Variants in ADCY5 observed in about 807,000 individuals in gnomAD.
ADCY5 encodes the protein adenylate cyclase 5.
In ADCY5, 30 loss-of-function variants were observed where a neutral mutation model predicts 119.7. That is an observed-to-expected ratio of 0.25 (90% confidence interval 0.19 to 0.34). The LOEUF (loss-of-function observed/expected upper bound fraction) is 0.34, where lower values mean the gene tolerates loss of function less well. Ranked by LOEUF, ADCY5 falls within the 10% of genes least tolerant of loss-of-function variation. The pLI is 1.00. For synonymous variants in ADCY5, 753 were observed against 762.2 expected, an observed-to-expected ratio of 0.99 and a Z score of 0.20; for missense variants, 1,324 against 1,775.2, an observed-to-expected ratio of 0.75 and a Z score of 4.57.
chr3:123,358,736 G>A (rs1197165200), intron 1 of ADCY5, among the ~76,000 whole-genome samples: 1 of 152,228 alleles, frequency 6.6e-6, no homozygotes, highest in Non-Finnish European at 1.5e-5. Flanking sequence ...TATTCTCAGA[G>A]TCAAAACCGA....
chr3:123,326,814 C>T (rs1941513817), intron 7 of ADCY5, among the ~76,000 whole-genome samples: 1 of 152,082 alleles, frequency 6.6e-6, no homozygotes, highest in South Asian at 2.1e-4. Flanking sequence ...TTGGCACGGG[C>T]ACCTGCCCTC....
intron 19 of ADCY5, among the ~76,000 whole-genome samples, chr3:123,288,814 A>G (rs1576522041): frequency 6.6e-6 from 1 of 152,206 alleles, no homozygotes; most frequent in Non-Finnish European, 1.5e-5. Flanking sequence ...GGTCATGACT[A>G]TTTTGAAACT....
Position 123,448,654 on chromosome 3 carries a change from C to T in ADCY5, c.-109G>A. On this transcript the variant is annotated 5_prime_UTR_variant, in exon 1 of 21. Transcript: ENST00000462833. ...GGGGGACCAGGCTAGGGTCACACGT[C>T]GGGGGCGGCCCGGGGCCCTGCGCTG... The T allele has an allele frequency of 9.3e-7, 1 of 1,070,476 alleles. No homozygotes were observed. The highest frequency in any genetic ancestry group is 1.2e-6 in the Non-Finnish European group (1 of 838,726). The allele number at this position is 1,070,476 out of a possible 1,614,324, so 66.3% of individuals were successfully genotyped here.
chr3:123,428,535 C>T (rs1047178729), intron 1 of ADCY5, among the ~76,000 whole-genome samples: 1 of 152,200 alleles, frequency 6.6e-6, no homozygotes, highest in African/African-American at 2.4e-5. Context: ...ATAGGCTCAG[C>T]AGGAAGTTCC....
At chr3:123,394,710 G>A (rs1314523467) in intron 1 of ADCY5, among the ~76,000 whole-genome samples, 4 of 152,184 alleles carry the variant, frequency 2.6e-5, no homozygotes, top group Non-Finnish European at 1.5e-5. Flanking sequence ...GTAAGCATAA[G>A]TTATCAAAAC....
At chr3:123,425,805 G>C (rs1346999346) in intron 1 of ADCY5, among the ~76,000 whole-genome samples, 4 of 151,106 alleles carry the variant, frequency 2.6e-5, no homozygotes, top group African/African-American at 7.3e-5. Context: ...TGGAAGGTCT[G>C]TGCTGGTCAC....
rs200272812 is a variant in ADCY5, at chr3:123,300,345, G to A, written c.2725-50C>T. On this transcript the variant is annotated intron_variant, in intron 14 of 20. Coordinates refer to ENST00000462833, the MANE Select transcript of ADCY5 (RefSeq NM_183357.3). ...AGCTCCCCAGGCCCTGCCCGACCCC[G>A]GGCCCTGGCCCCATGCATCCTCCAG... is the stretch of plus-strand genomic sequence containing the variant. 1,056 of 1,585,110 alleles carry A rather than the reference G, an allele frequency of 6.7e-4. 12 individuals are homozygous for A. In the African/African-American group the frequency reaches 0.01, roughly 16 times the overall value.
intron 1 of ADCY5, among the ~76,000 whole-genome samples, chr3:123,413,781 A>G (rs974692005): frequency 1.3e-5 from 2 of 152,090 alleles, no homozygotes; most frequent in African/African-American, 2.4e-5. Context: ...AAGCCTGACC[A>G]TGTTGGGTGC....
chr3:123,288,869 C>A (rs1938952475), intron 19 of ADCY5, among the ~76,000 whole-genome samples: 1 of 152,178 alleles, frequency 6.6e-6, no homozygotes, highest in Non-Finnish European at 1.5e-5. Flanking sequence ...CGGCACAGCC[C>A]CTCCAGAGCC....
intron 3 of ADCY5, among the ~76,000 whole-genome samples, chr3:123,346,907 G>A (rs1440341313): frequency 2.0e-5 from 3 of 152,098 alleles, no homozygotes; most frequent in East Asian, 1.9e-4. Flanking sequence ...TCGTGTCCCC[G>A]TGGAACTCAT....
chr3:123,444,798 C>T (rs1945784965), intron 1 of ADCY5, among the ~76,000 whole-genome samples: 1 of 152,160 alleles, frequency 6.6e-6, no homozygotes, highest in African/African-American at 2.4e-5. Flanking sequence ...TCCAAGCCAC[C>T]GAAGGGGGAA....
intron 1 of ADCY5, among the ~76,000 whole-genome samples, chr3:123,412,621 G>C (rs919866694): frequency 1.3e-5 from 2 of 152,138 alleles, no homozygotes; most frequent in Non-Finnish European, 2.9e-5. Flanking sequence ...GGGAGTCGGG[G>C]TTAATGGGGG....
chr3:123,438,771 G>T (rs749719892), intron 1 of ADCY5, among the ~76,000 whole-genome samples: 1 of 152,042 alleles, frequency 6.6e-6, no homozygotes, highest in Non-Finnish European at 1.5e-5. Flanking sequence ...TTGAGACAGG[G>T]TCTCTCACTT....
intron 15 of ADCY5, among the ~76,000 whole-genome samples, 176 bp from the exon 16 acceptor site, chr3:123,297,558 G>T (rs1474047915): frequency 6.6e-6 from 1 of 152,194 alleles, no homozygotes; most frequent in East Asian, 1.9e-4. Context: ...GTGGCAGAAA[G>T]CCCAGCCCCA....
chr3:123,342,529 T>G (rs1335342986), intron 3 of ADCY5, among the ~76,000 whole-genome samples: 7 of 152,154 alleles, frequency 4.6e-5, no homozygotes, highest in Non-Finnish European at 2.9e-5. Context: ...TCCACAGGAC[T>G]CGGGTGCCTG....
chr3:123,429,422 G>A (rs1158987259), intron 1 of ADCY5, among the ~76,000 whole-genome samples: 1 of 152,038 alleles, frequency 6.6e-6, no homozygotes, highest in African/African-American at 2.4e-5. Flanking sequence ...CTGCCCCAGT[G>A]AGTGCCTGTG....
At chr3:123,445,554 C>T (rs1182450234) in intron 1 of ADCY5, among the ~76,000 whole-genome samples, 1 of 152,222 alleles carries the variant, frequency 6.6e-6, no homozygotes, top group East Asian at 1.9e-4. Context: ...GATACAACAA[C>T]CATCTGAAAG....
intron 1 of ADCY5, among the ~76,000 whole-genome samples, chr3:123,399,004 C>T (rs1347969227): frequency 6.6e-6 from 1 of 152,230 alleles, no homozygotes; most frequent in Non-Finnish European, 1.5e-5. Flanking sequence ...CCAGCTATCC[C>T]CTTAGAATCT....
At chr3:123,356,650 G>A (rs1328284046) in intron 1 of ADCY5, among the ~76,000 whole-genome samples, 1 of 152,158 alleles carries the variant, frequency 6.6e-6, no homozygotes, top group Admixed American at 6.6e-5. Context: ...TAGAATGGCT[G>A]AAGTTAAATT....
Sources: allele counts gnomAD v4.1 joint callset (sites outside exome capture counted in the v4.1 genomes callset), GRCh38; gene constraint gnomAD v4.1.1; transcripts MANE v1.5; gene names NCBI Gene and HGNC (gene_info 2026-07-23, HGNC 2026-07-21).